Variants in CAMK2B observed in about 807,000 individuals in gnomAD.
The protein encoded by CAMK2B is calcium/calmodulin-dependent protein kinase type II subunit beta.
Under a neutral mutation model 93.7 loss-of-function variants are expected in CAMK2B, and 27 were observed. The ratio of observed to expected loss-of-function variants is 0.29; its 90% CI spans 0.21 to 0.40. The LOEUF is 0.40. Ranked by LOEUF, CAMK2B falls within the 10% of genes least tolerant of loss-of-function variation. The pLI is 1.00. For missense variants in CAMK2B, 568 were observed against 895.8 expected, an observed-to-expected ratio of 0.63 and a Z score of 4.67; for synonymous variants, 374 against 358.8, an observed-to-expected ratio of 1.04 and a Z score of -0.48.
intron 10 of CAMK2B, 123 bp from the exon 11 acceptor site, chr7:44,241,906 A>T: frequency 5.1e-6 from 4 of 778,426 alleles, no homozygotes; most frequent in Non-Finnish European, 6.4e-6. Context: ...CCATTGCGGC[A>T]AGGGTTGTCT....
intron 2 of CAMK2B, among the ~76,000 whole-genome samples, chr7:44,272,331 G>T (rs756263884): frequency 6.6e-6 from 1 of 152,132 alleles, no homozygotes; most frequent in Admixed American, 6.5e-5. Context: ...GGGGGTAGGC[G>T]GTGGAGGCAG....
rs1218358762 is a variant in CAMK2B, at chr7:44,311,432, C to T, written c.65+13925G>A. ...ACCATGTGGCAAATCAAATTCTTAA[C>T]CTCTAGTAACAAACAAGAAAAACTC... On this transcript the variant is annotated intron_variant, in intron 1 of 23. Transcript: ENST00000395749. The surrounding 1 kb of genome is among the most constrained non-coding windows in gnomAD (Gnocchi z 4.2). Among the ~76,000 whole-genome samples, 1 of 152,236 alleles carries T rather than the reference C, an allele frequency of 6.6e-6. No homozygotes were observed. Among genetic ancestry groups the T allele is most frequent in the Admixed American group, 6.5e-5 (1 of 15,290 alleles).
At chr7:44,322,011 C>CA (rs746328717) in intron 1 of CAMK2B, among the ~76,000 whole-genome samples, 249 of 152,360 alleles carry the variant, frequency 1.6e-3, no homozygotes, top group Middle Eastern at 3.4e-3. Context: ...CTCACACCTG[C>CA]GCCCCAGACG....
intron 4 of CAMK2B, among the ~76,000 whole-genome samples, chr7:44,256,273 G>A (rs1228407666): frequency 2.0e-5 from 3 of 152,270 alleles, no homozygotes; most frequent in African/African-American, 7.2e-5. Flanking sequence ...GAGGGTGTGT[G>A]TGTGCACGTG....
chr7:44,289,751 G>A (rs949725464), intron 1 of CAMK2B, among the ~76,000 whole-genome samples: 2 of 152,244 alleles, frequency 1.3e-5, no homozygotes, highest in South Asian at 2.1e-4. Context: ...GGACCCAGGC[G>A]CCTGGAGTGA....
intron 1 of CAMK2B, among the ~76,000 whole-genome samples, chr7:44,293,785 G>C (rs1420405096): frequency 1.3e-5 from 2 of 152,182 alleles, no homozygotes; most frequent in African/African-American, 4.8e-5. Flanking sequence ...CTCGTCTCCT[G>C]CTGTGTAGCC....
At chr7:44,295,328 A>G (rs1788006500) in intron 1 of CAMK2B, among the ~76,000 whole-genome samples, 1 of 152,166 alleles carries the variant, frequency 6.6e-6, no homozygotes, top group Non-Finnish European at 1.5e-5. Context: ...AAAATCAACA[A>G]CTCTTCTTAG....
intron 2 of CAMK2B, among the ~76,000 whole-genome samples, chr7:44,269,277 C>T (rs776671141): frequency 3.3e-5 from 5 of 152,186 alleles, no homozygotes; most frequent in South Asian, 2.1e-4. Flanking sequence ...TGCATGGCTC[C>T]GGGGACCCCT....
chr7:44,235,144 GC>G (rs2096613990), intron 13 of CAMK2B, among the ~76,000 whole-genome samples: 1 of 152,204 alleles, frequency 6.6e-6, no homozygotes, highest in Admixed American at 6.5e-5. Flanking sequence ...GCAGCTGGCC[GC>G]CCACTCAGAG....
In CAMK2B at chr7:44,286,016, A is replaced by T. The variant is rs1252110113; in HGVS notation, c.66-1791T>A. Among the ~76,000 whole-genome samples the T allele has an allele frequency of 6.6e-6, 1 of 152,148 alleles. No homozygotes were observed. The highest frequency in any genetic ancestry group is 2.4e-5 in the African/African-American group (1 of 41,422). On this transcript the variant is annotated intron_variant, in intron 1 of 23. Transcript: ENST00000395749. The surrounding 1 kb of genome is among the most constrained non-coding windows in gnomAD (Gnocchi z 4.0). ...TATAAAGAAAGGATTATTATTTTTA[A>T]CATATGACATTAACTTGGGAGACTG...
Position 44,325,408 on chromosome 7 carries a change from A to G in CAMK2B, c.14T>C (p.Val5Ala). 1 of 1,190,194 alleles carries G rather than the reference A, an allele frequency of 8.4e-7. No homozygotes were observed. The highest frequency in any genetic ancestry group is 2.6e-4 in the Middle Eastern group (1 of 3,868). 73.7% of individuals were successfully genotyped at this position (1,190,194 alleles called of 1,614,324 possible). A position where few individuals can be genotyped will look rare whatever the true frequency, so the allele number is the denominator to read the frequency against. MATT[V>A]TCTRFTDEYQ... ...CTCGTCGGTGAAGCGGGTGCAGGTCACCGTGGTGGCCATGGCGGCGGCGGA... is the reference window on the plus strand; with the variant it reads ...CTCGTCGGTGAAGCGGGTGCAGGTCGCCGTGGTGGCCATGGCGGCGGCGGA... The change falls in exon 1 of 24, where the codon GTG (valine) becomes GCG (alanine). Residue 5 changes from valine to alanine, a missense_variant. Around this residue, in one of 4 missense-constraint regions of CAMK2B, gnomAD observed 39 missense variants for 43.4 expected, o/e 0.90. Coordinates refer to ENST00000395749, the MANE Select transcript of CAMK2B (RefSeq NM_001220.5).
intron 2 of CAMK2B, among the ~76,000 whole-genome samples, chr7:44,265,420 C>T (rs2096914141): frequency 6.6e-6 from 1 of 152,240 alleles, no homozygotes; most frequent in Non-Finnish European, 1.5e-5. Flanking sequence ...AGCCCAGGAC[C>T]ACACATCGCC....
intron 3 of CAMK2B, among the ~76,000 whole-genome samples, chr7:44,259,841 C>T (rs1169610122): frequency 1.3e-5 from 2 of 152,186 alleles, no homozygotes; most frequent in East Asian, 1.9e-4. Context: ...ACGAGGACGA[C>T]GACAGCCAAC....
intron 1 of CAMK2B, among the ~76,000 whole-genome samples, chr7:44,323,507 C>A (rs2116678823): frequency 6.6e-6 from 1 of 152,368 alleles, no homozygotes; most frequent in Non-Finnish European, 1.5e-5. Flanking sequence ...GCCAGGACAT[C>A]CAGCTGCGCT....
chr7:44,312,056 G>A lies in CAMK2B; in HGVS notation c.65+13301C>T, dbSNP rs183061705. Among the ~76,000 whole-genome samples the A allele has an allele frequency of 4.2e-4, 64 of 152,324 alleles. 1 individual carries two copies. Among genetic ancestry groups the A allele is most frequent in the African/African-American group, 1.4e-3 (60 of 41,578 alleles). Reference sequence around the variant, plus strand: ...AACTGAGCCCCAGTGTGTGCTTCCTGCTGGTGATGCCCCCATGGGTGACCA... The same window carrying A: ...AACTGAGCCCCAGTGTGTGCTTCCTACTGGTGATGCCCCCATGGGTGACCA... On this transcript the variant is annotated intron_variant, in intron 1 of 23. Transcript: ENST00000395749. This position sits in a 1 kb window ranked among gnomAD's most constrained non-coding sequence, Gnocchi z 4.1.
chr7:44,251,155 C>T (rs1024298123), intron 5 of CAMK2B, among the ~76,000 whole-genome samples: 2 of 152,136 alleles, frequency 1.3e-5, no homozygotes, highest in African/African-American at 4.8e-5. Context: ...CGGAAAGCAC[C>T]TCCCTGCCTG....
intron 1 of CAMK2B, among the ~76,000 whole-genome samples, chr7:44,288,306 GGCTCAGCAAAGAAT>G (rs1339422058): frequency 6.6e-6 from 1 of 152,258 alleles, no homozygotes; most frequent in Non-Finnish European, 1.5e-5. Context: ...ATGGTCCTTG[GGCTCAGCAAAGAAT>G]GCCTTGGATG....
intron 1 of CAMK2B, among the ~76,000 whole-genome samples, chr7:44,305,176 T>C (rs1791130273): frequency 6.6e-6 from 1 of 152,198 alleles, no homozygotes; most frequent in South Asian, 2.1e-4. Flanking sequence ...CACCTACGCA[T>C]GGCCCTCTCA....
intron 3 of CAMK2B, 28 bp downstream of exon 3, chr7:44,262,977 T>A (rs2096892599): frequency 6.2e-7 from 1 of 1,602,886 alleles, no homozygotes; most frequent in African/African-American, 1.3e-5. Context: ...TGGGGACCCA[T>A]CCCCGCTCCC....
Sources: gnomAD v4.1 joint callset for allele counts (sites outside exome capture counted in the v4.1 genomes callset) on GRCh38, gnomAD v4.1.1 for gene constraint, gnomAD v4.1.1 regional missense constraint, Gnocchi (gnomAD v3.1) non-coding constraint, MANE v1.5 for transcripts, NCBI Gene and HGNC (gene_info 2026-07-23, HGNC 2026-07-21) for gene names.